The following CHM variants were observed in gnomAD, a reference collection of about 807,000 sequenced individuals.
The protein encoded by CHM is rab proteins geranylgeranyltransferase component A 1.
CHM carries 10 observed loss-of-function variants against 49.0 expected under a neutral mutation model. The observed-to-expected ratio is 0.20, with a 90% CI of 0.13 to 0.35. The LOEUF (loss-of-function observed/expected upper bound fraction) is 0.35. CHM is among the 10% of genes least tolerant of loss of function. CHM has a pLI of 1.00. For missense variants in CHM, 455 were observed against 478.4 expected (o/e 0.95, Z 0.46); for synonymous variants, 184 against 167.5 (o/e 1.10, Z -0.76).
intron 8 of CHM, among the ~76,000 whole-genome samples, chrX:85,921,211 T>C (rs1745410768): frequency 8.9e-6 from 1 of 111,833 alleles, no homozygotes. Context: ...GGTAATAAGT[T>C]TCCACATGAC....
intron 12 of CHM, 25 bp from the exon 13 acceptor site, chrX:85,879,088 T>C (rs1436349568): frequency 9.9e-7 from 1 of 1,011,945 alleles, no homozygotes; most frequent in African/African-American, 1.8e-5. Flanking sequence ...ATATTTGAGT[T>C]CCTTGTCATC....
chrX:86,030,416 T>C (rs1305209515), intron 1 of CHM, among the ~76,000 whole-genome samples: 1 of 111,571 alleles, frequency 9.0e-6, no homozygotes, highest in Non-Finnish European at 1.9e-5. Context: ...ACCCATTCAA[T>C]AAACAGAATT....
intron 2 of CHM, among the ~76,000 whole-genome samples, chrX:85,991,204 TA>T (rs1932170130): frequency 8.9e-6 from 1 of 111,879 alleles, no homozygotes; most frequent in Non-Finnish European, 1.9e-5. Context: ...TTTTTACAAC[TA>T]TTCTCTCATA....
In CHM at chrX:85,862,936, A is replaced by AG. The variant is rs2148109906; in HGVS notation, c.*1693dup. 9.0e-6 allele frequency: 1 copy of AG among 111,252 alleles called. No homozygotes were observed. The highest frequency in any genetic ancestry group is 3.3e-5 in the African/African-American group (1 of 30,324). The allele number at this position is 111,252 out of a possible 1,213,427, so 9.2% of individuals were successfully genotyped here. ...CAGACAATATAGGCCAGATGTTGTGAGAAAAAAAAACAAATAGTTCATTTG... is the reference window on the plus strand; with the variant it reads ...CAGACAATATAGGCCAGATGTTGTGAGGAAAAAAAAACAAATAGTTCATTTG... On this transcript the variant is annotated 3_prime_UTR_variant, in exon 15 of 15. Transcript: ENST00000357749.
At position 85,978,826 on chromosome X, in the gene CHM, G is replaced by T; in HGVS notation, c.255C>A (p.Ala85=). The change falls in exon 4 of 15, where the codon GCC becomes GCA. Residue 85 remains alanine (A), a synonymous_variant. Transcript: ENST00000357749. ...TTTTGTCCTTCCTGCTAAGAGCAAT[G>T]GCTTCTTCATTTTCAAGGATCTGGT... ...WQDQILENEE[A]IALSRKDKTI... The T allele has an allele frequency of 8.3e-7, 1 of 1,205,243 alleles. No individual in the cohort carries two copies. The highest frequency in any genetic ancestry group is 1.8e-5 in the South Asian group (1 of 56,859).
At chrX:86,047,029 T>C (rs367603790) in intron 1 of CHM, among the ~76,000 whole-genome samples, 1 of 111,697 alleles carries the variant, frequency 9.0e-6, no homozygotes, top group South Asian at 3.7e-4. Flanking sequence ...AAGCTGTGTC[T>C]GAGCTGCGAT....
At chrX:85,897,834 T>A (rs971434073) in intron 11 of CHM, among the ~76,000 whole-genome samples, 2 of 111,088 alleles carry the variant, frequency 1.8e-5, no homozygotes, top group Non-Finnish European at 3.8e-5. Context: ...AGATGAAGAT[T>A]ACAGCCTGAC....
At chrX:85,939,312 C>T (rs150380185) in intron 8 of CHM, among the ~76,000 whole-genome samples, 4 of 112,211 alleles carry the variant, frequency 3.6e-5, no homozygotes, top group Non-Finnish European at 7.5e-5. Flanking sequence ...CCAAAATATT[C>T]AGTGTGCTAT....
At chrX:85,883,740 C>T (rs1924901436) in intron 12 of CHM, among the ~76,000 whole-genome samples, 1 of 110,494 alleles carries the variant, frequency 9.1e-6, no homozygotes, top group Non-Finnish European at 1.9e-5. Context: ...ACTAGGGTCA[C>T]AAAAGCAGAA....
In CHM at chrX:85,976,088, G is replaced by A. The variant is rs188526896; in HGVS notation, c.314+2679C>T. Among the ~76,000 whole-genome samples, 8 of 111,516 alleles carry A rather than the reference G, an allele frequency of 7.2e-5. No homozygotes were observed. The South Asian group carries it at 1.1e-3, about 16-fold the overall frequency. ...TTTTTAATACTCATCTTTCTAAAAC[G>A]TACTTCAAATCCTCTACTTTTTCAA... is the stretch of plus-strand genomic sequence containing the variant. On this transcript the variant is annotated intron_variant, in intron 4 of 14. Transcript: ENST00000357749.
intron 4 of CHM, among the ~76,000 whole-genome samples, chrX:85,966,621 G>A (rs143154936): frequency 1.6e-3 from 183 of 111,667 alleles, no homozygotes; most frequent in African/African-American, 5.6e-3. Context: ...GTTACATGAG[G>A]GATCTAAGGG....
chrX:85,904,738 T>C (rs62608228), intron 9 of CHM, among the ~76,000 whole-genome samples: 18,936 of 110,974 alleles, frequency 0.17, 1,541 homozygotes, highest in Non-Finnish European at 0.25. Context: ...CCACTCATTT[T>C]TCTTGGGTGA....
At chrX:86,036,642 A>C (rs766736167) in intron 1 of CHM, among the ~76,000 whole-genome samples, 100 of 112,289 alleles carry the variant, frequency 8.9e-4, no homozygotes, top group African/African-American at 2.8e-3. Flanking sequence ...GGCAATTTCA[A>C]GGTATGGCAA....
chrX:85,960,815 G>C (rs1025679564), intron 5 of CHM, among the ~76,000 whole-genome samples: 1 of 111,330 alleles, frequency 9.0e-6, no homozygotes, highest in Non-Finnish European at 1.9e-5. Context: ...ATGGAAATTA[G>C]ATTTATTAAT....
intron 11 of CHM, among the ~76,000 whole-genome samples, chrX:85,898,018 C>T (rs774427334): frequency 5.4e-5 from 6 of 110,948 alleles, no homozygotes. Flanking sequence ...AGGAATTGTA[C>T]GTCTCTTAAC....
chrX:86,009,514 C>T (rs1011345275), intron 2 of CHM, among the ~76,000 whole-genome samples: 4 of 112,164 alleles, frequency 3.6e-5, no homozygotes, highest in South Asian at 3.7e-4. Context: ...AGCTTACAGT[C>T]GTCCTATATA....
intron 12 of CHM, among the ~76,000 whole-genome samples, chrX:85,889,464 A>G (rs919566182): frequency 2.7e-5 from 3 of 112,496 alleles, no homozygotes; most frequent in Non-Finnish European, 1.9e-5. Flanking sequence ...AATGCTGAAC[A>G]TCACTAATCA....
intron 11 of CHM, among the ~76,000 whole-genome samples, chrX:85,898,899 G>A (rs945434278): frequency 1.8e-5 from 2 of 112,226 alleles, no homozygotes; most frequent in Non-Finnish European, 3.8e-5. Context: ...AAGGTAAAAG[G>A]CACTCATTGT....
At chrX:85,963,230 T>C (rs962934821) in intron 5 of CHM, among the ~76,000 whole-genome samples, 14 of 111,876 alleles carry the variant, frequency 1.3e-4, no homozygotes, top group Admixed American at 5.7e-4. Flanking sequence ...GCTGTGTCCA[T>C]GTGAACACGA....
Sources: allele counts gnomAD v4.1 joint callset (sites outside exome capture counted in the v4.1 genomes callset), GRCh38; gene constraint gnomAD v4.1.1; transcripts MANE v1.5; gene names NCBI Gene and HGNC (gene_info 2026-07-23, HGNC 2026-07-21).